The following CAMK1D variants were observed in gnomAD, a reference collection of about 807,000 sequenced individuals.
The protein encoded by CAMK1D is calcium/calmodulin-dependent protein kinase type 1D.
Under a neutral mutation model 47.7 loss-of-function variants are expected in CAMK1D, and 9 were observed. The ratio of observed to expected loss-of-function variants is 0.19; its 90% confidence interval spans 0.11 to 0.33. The LOEUF (loss-of-function observed/expected upper bound fraction) is 0.33. Among genes scored for constraint, CAMK1D ranks in the 10% least tolerant of loss-of-function variants. The pLI, the probability that CAMK1D is intolerant of heterozygous loss-of-function variation, is 1.00. For synonymous variants in CAMK1D, 184 were observed against 184.9 expected (o/e 0.99, Z 0.04); for missense variants, 291 against 488.7 (o/e 0.60, Z 3.81).
chr10:12,644,037 T>C (rs1459821172), intron 2 of CAMK1D, among the ~76,000 whole-genome samples: 1 of 152,170 alleles, frequency 6.6e-6, no homozygotes, highest in African/African-American at 2.4e-5. Flanking sequence ...CATTACAATG[T>C]AACAATCATA....
At chr10:12,718,664 G>C (rs997348520) in intron 3 of CAMK1D, among the ~76,000 whole-genome samples, 1 of 152,140 alleles carries the variant, frequency 6.6e-6, no homozygotes, top group South Asian at 2.1e-4. Context: ...TTGTTTCTTC[G>C]TTTAATGATT....
At chr10:12,697,032 C>A (rs1311757485) in intron 3 of CAMK1D, among the ~76,000 whole-genome samples, 1 of 152,126 alleles carries the variant, frequency 6.6e-6, no homozygotes, top group African/African-American at 2.4e-5. Context: ...AAAAATGACA[C>A]TAAATTCGAT....
intron 1 of CAMK1D, among the ~76,000 whole-genome samples, chr10:12,519,356 C>T (rs1463148408): frequency 1.3e-4 from 5 of 37,834 alleles, no homozygotes; most frequent in African/African-American, 3.3e-4. Flanking sequence ...GGGGGGCTGA[C>T]CCCCCCACCT....
chr10:12,795,087 G>A (rs1588937739), intron 6 of CAMK1D, among the ~76,000 whole-genome samples: 1 of 152,246 alleles, frequency 6.6e-6, no homozygotes, highest in South Asian at 2.1e-4. Flanking sequence ...GTACAGGGAG[G>A]CCCATGCACA....
chr10:12,367,538 A>G (rs1053604808), intron 1 of CAMK1D, among the ~76,000 whole-genome samples: 1 of 151,664 alleles, frequency 6.6e-6, no homozygotes, highest in Non-Finnish European at 1.5e-5. Context: ...TAATTCTACA[A>G]CTCACCGTAA....
intron 1 of CAMK1D, among the ~76,000 whole-genome samples, chr10:12,370,377 A>G (rs569394983): frequency 1.3e-5 from 2 of 152,214 alleles, no homozygotes; most frequent in South Asian, 4.1e-4. Flanking sequence ...TCTGCTTTTT[A>G]TTGTTATTTT....
chr10:12,616,192 A>G (rs561790217), intron 2 of CAMK1D, among the ~76,000 whole-genome samples: 1 of 152,268 alleles, frequency 6.6e-6, no homozygotes, highest in East Asian at 1.9e-4. Flanking sequence ...GAGTGTGCAC[A>G]TGTGTGTTTA....
At chr10:12,372,754 G>A (rs1005158096) in intron 1 of CAMK1D, among the ~76,000 whole-genome samples, 36 of 150,724 alleles carry the variant, frequency 2.4e-4, no homozygotes, top group Admixed American at 1.3e-3. Flanking sequence ...TCAGCCTCCC[G>A]AGTAGCTGAG....
chr10:12,382,347 G>A (rs1838369613), intron 1 of CAMK1D, among the ~76,000 whole-genome samples: 1 of 151,766 alleles, frequency 6.6e-6, no homozygotes, highest in Non-Finnish European at 1.5e-5. Context: ...AAATCCTTAT[G>A]GTATGCATCA....
Position 12,665,183 on chromosome 10 carries a change from G to A in CAMK1D, c.225-1553G>A, listed in dbSNP as rs1840390539. Among the ~76,000 whole-genome samples the A allele has an allele frequency of 2.0e-5, 3 of 152,174 alleles. No individual in the cohort carries two copies. The South Asian group carries it at 6.2e-4, about 31-fold the overall frequency. ...TCTATTCTTTGGAATCAGGTGGAAG[G>A]TGAATTTAGTATAATCTATTGTTTT... On this transcript the variant is annotated intron_variant, in intron 2 of 10. Transcript: ENST00000619168.
At chr10:12,816,166 C>A in intron 7 of CAMK1D, 84 bp from the exon 8 acceptor site, 1 of 1,057,350 alleles carries the variant, frequency 9.5e-7, no homozygotes, top group Non-Finnish European at 1.4e-6. Flanking sequence ...GCTACACACG[C>A]TCCTCCTGAA....
chr10:12,567,950 T>A (rs1157217804), intron 2 of CAMK1D, among the ~76,000 whole-genome samples: 1 of 152,164 alleles, frequency 6.6e-6, no homozygotes, highest in African/African-American at 2.4e-5. Context: ...TGGTTCCATG[T>A]TCTGTTGGAT....
At chr10:12,379,855 A>G (rs1175299392) in intron 1 of CAMK1D, among the ~76,000 whole-genome samples, 1 of 152,186 alleles carries the variant, frequency 6.6e-6, no homozygotes. Context: ...CTGGCTAAAT[A>G]TCTTTCAAAA....
At chr10:12,731,887 G>T (rs1014546348) in intron 3 of CAMK1D, among the ~76,000 whole-genome samples, 1 of 152,042 alleles carries the variant, frequency 6.6e-6, no homozygotes, top group African/African-American at 2.4e-5. Context: ...GAGGTCTAGG[G>T]CATGACCACA....
chr10:12,705,113 A>T (rs1374641303), intron 3 of CAMK1D, among the ~76,000 whole-genome samples: 1 of 152,204 alleles, frequency 6.6e-6, no homozygotes, highest in Non-Finnish European at 1.5e-5. Flanking sequence ...CTGGATACTG[A>T]AATCAATTTG....
chr10:12,540,124 C>G (rs1336051311), intron 1 of CAMK1D, among the ~76,000 whole-genome samples: 1 of 146,252 alleles, frequency 6.8e-6, no homozygotes, highest in African/African-American at 2.6e-5. Flanking sequence ...AGTTGGGGGT[C>G]TTGCTCTGTT....
chr10:12,618,057 T>C (rs1020275945), intron 2 of CAMK1D, among the ~76,000 whole-genome samples: 2 of 73,472 alleles, frequency 2.7e-5, no homozygotes, highest in African/African-American at 1.1e-4. Flanking sequence ...TTTGTATTAA[T>C]TCACATTTGT....
chr10:12,351,252 C>T (rs1837347545), intron 1 of CAMK1D, among the ~76,000 whole-genome samples: 1 of 152,056 alleles, frequency 6.6e-6, no homozygotes, highest in South Asian at 2.1e-4. Context: ...TCAGGGAGGG[C>T]ACCTATTTGC....
At chr10:12,667,715 C>G (rs1840478065) in intron 3 of CAMK1D, among the ~76,000 whole-genome samples, 1 of 152,094 alleles carries the variant, frequency 6.6e-6, no homozygotes, top group African/African-American at 2.4e-5. Context: ...GATTTTGAGA[C>G]TTTGGATTGT....
Sources: allele counts gnomAD v4.1 joint callset (sites outside exome capture counted in the v4.1 genomes callset), GRCh38; gene constraint gnomAD v4.1.1; transcripts MANE v1.5; gene names NCBI Gene and HGNC (gene_info 2026-07-23, HGNC 2026-07-21).